AGTPBP1: variants seen among roughly 807,000 people sequenced by gnomAD.
The protein encoded by AGTPBP1 is ATP/GTP binding carboxypeptidase 1.
AGTPBP1 carries 70 observed loss-of-function variants against 143.9 expected under a neutral mutation model. That is an observed-to-expected ratio of 0.49 (90% CI 0.40 to 0.59). The LOEUF (loss-of-function observed/expected upper bound fraction) is 0.59, where lower values mean the gene tolerates loss of function less well. AGTPBP1 is among the 20% of genes least tolerant of loss of function. The pLI, the probability that AGTPBP1 is intolerant of heterozygous loss-of-function variation, is 0.00. For missense variants in AGTPBP1, 1,229 were observed against 1,464.5 expected (o/e 0.84, Z 2.62); for synonymous variants, 463 against 500.2 (o/e 0.93, Z 0.99).
intron 8 of AGTPBP1, among the ~76,000 whole-genome samples, chr9:85,668,972 T>TAC (rs1834303188): frequency 5.9e-5 from 2 of 33,972 alleles, no homozygotes; most frequent in African/African-American, 3.0e-4. Flanking sequence ...CATACATGTG[T>TAC]GTGTGTGTGT....
intron 13 of AGTPBP1, among the ~76,000 whole-genome samples, chr9:85,639,114 T>C (rs1237484485): frequency 6.6e-6 from 1 of 152,164 alleles, no homozygotes; most frequent in East Asian, 1.9e-4. Context: ...TGTGTCTTCT[T>C]ATTCTACAAC....
At chr9:85,640,008 A>G (rs1832362690) in intron 13 of AGTPBP1, among the ~76,000 whole-genome samples, 1 of 152,236 alleles carries the variant, frequency 6.6e-6, no homozygotes, top group African/African-American at 2.4e-5. Flanking sequence ...TGAAACAAAC[A>G]CATAAAGTAA....
At chr9:85,649,583 T>C (rs938497542) in intron 11 of AGTPBP1, among the ~76,000 whole-genome samples, 1 of 152,152 alleles carries the variant, frequency 6.6e-6, no homozygotes, top group Non-Finnish European at 1.5e-5. Flanking sequence ...ATCTTACTGA[T>C]TTAGCTAGAG....
chr9:85,593,929 A>G (rs1302793760), intron 18 of AGTPBP1, among the ~76,000 whole-genome samples: 1 of 152,238 alleles, frequency 6.6e-6, no homozygotes, highest in African/African-American at 2.4e-5. Flanking sequence ...CCATGAAATG[A>G]AGAAAAACCA....
chr9:85,712,429 T>C, intron 2 of AGTPBP1, 73 bp downstream of exon 2: 2 of 711,934 alleles, frequency 2.8e-6, no homozygotes, highest in Non-Finnish European at 4.5e-6. Flanking sequence ...CTTTGTCAAG[T>C]ATTGAGTTTC....
Position 85,607,901 on chromosome 9 carries a change from G to C in AGTPBP1, c.2335+11082C>G, listed in dbSNP as rs1028909627. On this transcript the variant is annotated intron_variant, in intron 17 of 25. Coordinates refer to ENST00000357081, the MANE Select transcript of AGTPBP1 (RefSeq NM_001330701.2). ...TGTTATTTACACCCAATGACTCTAC[G>C]TAGAAAAAAATACATGCTTCTAACA... 2.0e-5 allele frequency among the ~76,000 whole-genome samples: 3 copies of C among 152,056 alleles called. No homozygotes were observed. In the Middle Eastern group the frequency reaches 0.01, roughly 517 times the overall value.
chr9:85,741,764 A>T lies in AGTPBP1; in HGVS notation c.-34+11T>A. 7.5e-7 allele frequency: 1 copy of T among 1,325,254 alleles called. No individual in the cohort carries two copies. Among genetic ancestry groups the T allele is most frequent in the Non-Finnish European group, 9.6e-7 (1 of 1,040,744 alleles). 82.1% of individuals were successfully genotyped at this position (1,325,254 alleles called of 1,614,324 possible). ...CCGGCCGGGACATGAGGACTGCAGC[A>T]GGGCGCTCACCGGCTCAGGATGGGG... is the stretch of plus-strand genomic sequence containing the variant. On this transcript the variant is annotated intron_variant, in intron 1 of 25. Transcript: ENST00000357081.
At chr9:85,712,798 C>T (rs979618013) in intron 1 of AGTPBP1, among the ~76,000 whole-genome samples, 1 of 152,116 alleles carries the variant, frequency 6.6e-6, no homozygotes, top group African/African-American at 2.4e-5. Context: ...TCCGGAGCTA[C>T]AAAAACGCAG....
rs1461659121 is a variant in AGTPBP1, at chr9:85,698,584, A to G, written c.33-5771T>C. On this transcript the variant is annotated intron_variant, in intron 2 of 25. Transcript: ENST00000357081. ...GGTGGGATGCAAATGAAAGAAAAAA[A>G]GCTATATATGAGCAATTTGAGATAC... Among the ~76,000 whole-genome samples, 3 of 151,986 alleles carry G rather than the reference A, an allele frequency of 2.0e-5. No individual in the cohort carries two copies. The South Asian group carries it at 6.2e-4, about 32-fold the overall frequency.
chr9:85,701,758 T>C (rs544869400), intron 2 of AGTPBP1, among the ~76,000 whole-genome samples: 2 of 152,296 alleles, frequency 1.3e-5, no homozygotes, highest in African/African-American at 2.4e-5. Flanking sequence ...GAGATCAACT[T>C]AGATGTACTA....
intron 11 of AGTPBP1, 56 bp from the exon 12 acceptor site, chr9:85,646,474 T>C (rs1832816865): frequency 1.8e-6 from 2 of 1,134,880 alleles, no homozygotes; most frequent in Non-Finnish European, 2.6e-6. Flanking sequence ...ACAATATGCA[T>C]AGCCAATGGT....
intron 17 of AGTPBP1, among the ~76,000 whole-genome samples, chr9:85,612,096 C>A (rs1830348500): frequency 6.6e-6 from 1 of 152,146 alleles, no homozygotes; most frequent in African/African-American, 2.4e-5. Flanking sequence ...CCAGAAACAT[C>A]TTTTGTTCTA....
At chr9:85,756,154 A>G in the AGTPBP1 span, 1 of 1,613,032 alleles carries the variant, frequency 6.2e-7, no homozygotes, top group South Asian at 1.1e-5. Context: ...AGGAGCTGGA[A>G]GCAGACTTAA....
At chr9:85,660,867 T>C (rs1314105597) in intron 9 of AGTPBP1, 69 bp downstream of exon 9, 3 of 1,155,798 alleles carry the variant, frequency 2.6e-6, no homozygotes, top group African/African-American at 3.2e-5. Flanking sequence ...ACATTTCCAG[T>C]TTCTTTAACA....
chr9:85,587,911 AAG>A (rs1480537243), intron 21 of AGTPBP1, among the ~76,000 whole-genome samples: 1 of 152,264 alleles, frequency 6.6e-6, no homozygotes, highest in East Asian at 1.9e-4. Flanking sequence ...GAGATCCCAG[AAG>A]AGTCTTAATC....
At chr9:85,750,359 T>G in the AGTPBP1 span, among the ~76,000 whole-genome samples, 1 of 152,192 alleles carries the variant, frequency 6.6e-6, no homozygotes, top group East Asian at 1.9e-4. Context: ...AGAGTCCAAA[T>G]TCACTTATAA....
At chr9:85,586,760 C>G (rs1167640735) in intron 22 of AGTPBP1, 71 bp downstream of exon 22, 11 of 1,535,718 alleles carry the variant, frequency 7.2e-6, no homozygotes, top group Middle Eastern at 1.7e-4. Flanking sequence ...GATTATCACA[C>G]AAGTGCTTGA....
At chr9:85,724,165 T>A (rs887927758) in intron 1 of AGTPBP1, among the ~76,000 whole-genome samples, 3 of 151,334 alleles carry the variant, frequency 2.0e-5, no homozygotes, top group African/African-American at 7.3e-5. Context: ...TGAGTACTTG[T>A]AATCCAAGCT....
intron 3 of AGTPBP1, among the ~76,000 whole-genome samples, chr9:85,687,818 G>A (rs540982809): frequency 6.6e-6 from 1 of 152,012 alleles, no homozygotes; most frequent in East Asian, 1.9e-4. Context: ...GGCCAGGCGC[G>A]GTGGCTCATG....
Sources: gnomAD v4.1 joint callset for allele counts (sites outside exome capture counted in the v4.1 genomes callset) on GRCh38, gnomAD v4.1.1 for gene constraint, MANE v1.5 for transcripts, NCBI Gene and HGNC (gene_info 2026-07-23, HGNC 2026-07-21) for gene names.